Variants in N4BP2 observed in about 807,000 individuals in gnomAD.
N4BP2 encodes NEDD4-binding protein 2.
N4BP2 carries 91 observed loss-of-function variants against 152.8 expected under a neutral mutation model. The ratio of observed to expected loss-of-function variants is 0.60; its 90% CI spans 0.50 to 0.71. The LOEUF (loss-of-function observed/expected upper bound fraction) is 0.71. Among genes scored for constraint, N4BP2 ranks in the 30% least tolerant of loss-of-function variants. The pLI is 0.00. For missense variants in N4BP2, 1,923 were observed against 2,059.1 expected, an observed-to-expected ratio of 0.93 and a Z score of 1.28; for synonymous variants, 646 against 705.3, an observed-to-expected ratio of 0.92 and a Z score of 1.33.
chr4:40,100,826 A>G (rs777057195), intron 3 of N4BP2, among the ~76,000 whole-genome samples: 1 of 152,224 alleles, frequency 6.6e-6, no homozygotes, highest in Non-Finnish European at 1.5e-5. Context: ...TTTGCTAGGA[A>G]TAATATACCT....
At chr4:40,135,755 C>T (rs991173107) in intron 13 of N4BP2, among the ~76,000 whole-genome samples, 6 of 152,066 alleles carry the variant, frequency 3.9e-5, no homozygotes, top group Non-Finnish European at 5.9e-5. Flanking sequence ...TTAGTAGAGA[C>T]AGGGTTTCAC....
chr4:40,123,354 G>A (rs746468914), intron 10 of N4BP2, 142 bp downstream of exon 10: 6 of 540,278 alleles, frequency 1.1e-5, no homozygotes, highest in Non-Finnish European at 2.0e-5. Flanking sequence ...TTTTGACTTT[G>A]AGAGAGAATG....
At chr4:40,108,002 C>A (rs1241519921) in intron 5 of N4BP2, among the ~76,000 whole-genome samples, 1 of 151,662 alleles carries the variant, frequency 6.6e-6, no homozygotes, top group African/African-American at 2.4e-5. Context: ...CGGCTCACTG[C>A]AACCTCCGCC....
chr4:40,174,768 C>T, the N4BP2 span, among the ~76,000 whole-genome samples: 1 of 152,002 alleles, frequency 6.6e-6, no homozygotes, highest in Non-Finnish European at 1.5e-5. Flanking sequence ...CGCCACTGCA[C>T]TCCAGTCTGG....
chr4:40,091,839 G>A (rs1161327635), intron 2 of N4BP2, among the ~76,000 whole-genome samples: 1 of 147,808 alleles, frequency 6.8e-6, no homozygotes, highest in Non-Finnish European at 1.5e-5. Context: ...GAACTCCTGG[G>A]CTCAAGCGAT....
intron 4 of N4BP2, among the ~76,000 whole-genome samples, chr4:40,103,797 A>G (rs1205879329): frequency 6.6e-6 from 1 of 152,138 alleles, no homozygotes; most frequent in African/African-American, 2.4e-5. Flanking sequence ...TAGTTAAGGT[A>G]GGCTGTGAGT....
At position 40,142,858 on chromosome 4, in the gene N4BP2, G is replaced by T; in HGVS notation, c.4971G>T (p.Gln1657His). The T allele has an allele frequency of 6.2e-7, 1 of 1,613,246 alleles. No homozygotes were observed. Among genetic ancestry groups the T allele is most frequent in the Non-Finnish European group, 8.5e-7 (1 of 1,179,722 alleles). ...GKKNVATFYA[Q>H]QGTLHEQKMK... Reference sequence around the variant, plus strand: ...AAAATGTCGCCACCTTTTATGCCCAGCAGGTAAAGTGGAAAACTGATTATA... The same window carrying T: ...AAAATGTCGCCACCTTTTATGCCCATCAGGTAAAGTGGAAAACTGATTATA... Residue 1657 changes from glutamine (Q) to histidine (H), a missense_variant, in exon 15 of 18, where the codon CAG becomes CAT. By Grantham distance (24) the Gln-to-His change is conservative. Transcript: ENST00000261435.
At position 40,154,897 on chromosome 4, in the gene N4BP2, C is replaced by T. The variant is rs1721469961; in HGVS notation, c.*660C>T. 1 of 152,168 alleles carries T rather than the reference C, an allele frequency of 6.6e-6. No homozygotes were observed. The highest frequency in any genetic ancestry group is 2.4e-5 in the African/African-American group (1 of 41,426). The allele number at this position is 152,168 out of a possible 1,614,324, so 9.4% of individuals were successfully genotyped here. ...TCTGAGATTATATTGTAATTTTATACTTTCTATAGACAGAAAGGTTTTCAG... is the reference window on the plus strand; with the variant it reads ...TCTGAGATTATATTGTAATTTTATATTTTCTATAGACAGAAAGGTTTTCAG... On this transcript the variant is annotated 3_prime_UTR_variant, in exon 18 of 18. Coordinates refer to ENST00000261435, the MANE Select transcript of N4BP2 (RefSeq NM_018177.6).
chr4:40,142,093 G>GGAGACC (rs1196480756), intron 14 of N4BP2: 2 of 162,368 alleles, frequency 1.2e-5, no homozygotes, highest in Non-Finnish European at 1.3e-5. Flanking sequence ...AGAGGGAGAG[G>GGAGACC]GAGACCGTGG....
At chr4:40,149,163 T>C (rs1720901651) in intron 16 of N4BP2, among the ~76,000 whole-genome samples, 1 of 152,210 alleles carries the variant, frequency 6.6e-6, no homozygotes, top group African/African-American at 2.4e-5. Context: ...AACTTGCATA[T>C]GAATGTCTGC....
intron 2 of N4BP2, among the ~76,000 whole-genome samples, chr4:40,077,537 T>C (rs1022710590): frequency 1.3e-5 from 2 of 150,842 alleles, no homozygotes; most frequent in Non-Finnish European, 2.9e-5. Context: ...CACTGCAACC[T>C]CTGCCTCCCG....
chr4:40,158,260 G>A (rs1458668304), downstream of N4BP2: 1 of 152,182 alleles, frequency 6.6e-6, no homozygotes, highest in Non-Finnish European at 1.5e-5. Context: ...ACAGTCCAGT[G>A]TGAGGAAATC....
the N4BP2 span, chr4:40,167,855 G>A: frequency 6.6e-6 from 1 of 152,182 alleles, no homozygotes; most frequent in African/African-American, 2.4e-5. Context: ...ACTAGAGCCT[G>A]GGAGTAAAAG....
chr4:40,149,106 CT>C (rs571610798), intron 16 of N4BP2, among the ~76,000 whole-genome samples: 66 of 152,270 alleles, frequency 4.3e-4, no homozygotes, highest in Admixed American at 2.5e-3. Flanking sequence ...AATTCTGCCC[CT>C]AACTATGTAC....
intron 16 of N4BP2, among the ~76,000 whole-genome samples, chr4:40,146,814 C>T (rs1048329190): frequency 6.7e-6 from 1 of 149,770 alleles, no homozygotes; most frequent in African/African-American, 2.4e-5. Context: ...TTCATTTCCT[C>T]CTCTCTATTC....
intron 1 of N4BP2, among the ~76,000 whole-genome samples, chr4:40,066,240 G>C (rs1235262508): frequency 6.9e-6 from 1 of 145,304 alleles, no homozygotes; most frequent in East Asian, 2.2e-4. Context: ...ATTTTTTTCA[G>C]GGGACCCAGA....
At chr4:40,159,829 T>G (rs1002099616), downstream of N4BP2, among the ~76,000 whole-genome samples, 3 of 152,144 alleles carry the variant, frequency 2.0e-5, no homozygotes, top group African/African-American at 7.2e-5. Context: ...TCTCGATGCA[T>G]TGATGACTTC....
intron 4 of N4BP2, 140 bp downstream of exon 4, chr4:40,103,358 A>G: frequency 1.5e-6 from 1 of 666,710 alleles, no homozygotes; most frequent in Non-Finnish European, 2.5e-6. Flanking sequence ...AGGTTTCCTA[A>G]CTTTGTGTAG....
the N4BP2 span, among the ~76,000 whole-genome samples, chr4:40,163,792 C>T: frequency 7.4e-4 from 112 of 152,282 alleles, no homozygotes; most frequent in South Asian, 6.2e-3. Context: ...AATAAGCTGC[C>T]TTTGTTTGGG....
Sources: allele counts gnomAD v4.1 joint callset (sites outside exome capture counted in the v4.1 genomes callset), GRCh38; gene constraint gnomAD v4.1.1; transcripts MANE v1.5; gene names NCBI Gene and HGNC (gene_info 2026-07-23, HGNC 2026-07-21).